The following NFKB2 variants were observed in gnomAD, a reference collection of about 807,000 sequenced individuals.
The protein encoded by NFKB2 is nuclear factor kappa B subunit 2.
In NFKB2, 21 loss-of-function variants were observed where a neutral mutation model predicts 109.3. That is an observed-to-expected ratio of 0.19 (90% CI 0.14 to 0.28). The LOEUF (loss-of-function observed/expected upper bound fraction) is 0.28, where lower values mean the gene tolerates loss of function less well. NFKB2 is among the 10% of genes least tolerant of loss of function. The pLI, the probability that NFKB2 is intolerant of heterozygous loss-of-function variation, is 1.00. For synonymous variants in NFKB2, 478 were observed against 489.9 expected, an observed-to-expected ratio of 0.98 and a Z score of 0.32; for missense variants, 806 against 1,185.3, an observed-to-expected ratio of 0.68 and a Z score of 4.70.
chr10:102,400,619 G>C lies in NFKB2; in HGVS notation c.1799-36G>C. On this transcript the variant is annotated intron_variant, in intron 16 of 22. Coordinates refer to ENST00000661543, the MANE Select transcript of NFKB2 (RefSeq NM_001322934.2). The surrounding 1 kb of genome is among the most constrained non-coding windows in gnomAD (Gnocchi z 6.3). The stretch of plus-strand genomic sequence containing the variant: ...GGGCTGGTCCAGGGGCTGCCTTAAG[G>C]GTCACAGCTGCAGGTTGAGCATCCT... 1 of 1,610,550 alleles carries C rather than the reference G, an allele frequency of 6.2e-7. No homozygotes were observed. Among genetic ancestry groups the C allele is most frequent in the Non-Finnish European group, 8.5e-7 (1 of 1,177,626 alleles).
In NFKB2 at chr10:102,401,485, A is replaced by C. The variant is rs1452818380; in HGVS notation, c.2260A>C (p.Met754Leu). 6.2e-7 allele frequency: 1 copy of C among 1,613,700 alleles called. No individual in the cohort carries two copies. The highest frequency in any genetic ancestry group is 8.5e-7 in the Non-Finnish European group (1 of 1,179,934). The change falls in exon 20 of 23, where the codon ATG (methionine) becomes CTG (leucine). Residue 754 changes from methionine (M) to leucine (L), a missense_variant. Around this residue, in one of 10 missense-constraint regions of NFKB2, gnomAD observed 211 missense variants for 268.7 expected, o/e 0.79. Coordinates refer to ENST00000661543, the MANE Select transcript of NFKB2 (RefSeq NM_001322934.2). This position sits in a 1 kb window ranked among gnomAD's most constrained non-coding sequence, Gnocchi z 4.2. ...TLLLNAAQNT[M>L]EPPLTPPSPA... ...GCTGCTAAATGCTGCTCAGAACACC[A>C]TGGAGCCACCCCTGACCCCGCCCAG... is the stretch of plus-strand genomic sequence containing the variant.
Position 102,397,321 on chromosome 10 carries a change from C to T in NFKB2, c.415C>T (p.Leu139=), listed in dbSNP as rs780372837. 30 of 1,614,020 alleles carry T rather than the reference C, an allele frequency of 1.9e-5. No homozygotes were observed. The highest frequency in any genetic ancestry group is 1.6e-4 in the Middle Eastern group (1 of 6,084). ...TCTCAGATTTAACAACCTGGGTGTC[C>T]TGCATGTGACTAAGAAGAACATGAT... is the stretch of plus-strand genomic sequence containing the variant. ...MTAQFNNLGV[L]HVTKKNMMGT... Residue 139 remains leucine, a synonymous_variant, in exon 7 of 23, where the codon CTG becomes TTG. Transcript: ENST00000661543. This position sits in a 1 kb window ranked among gnomAD's most constrained non-coding sequence, Gnocchi z 4.7.
At chr10:102,399,226 A>G in intron 12 of NFKB2, 62 bp from the exon 13 acceptor site, 1 of 1,499,468 alleles carries the variant, frequency 6.7e-7, no homozygotes, top group East Asian at 2.5e-5. Context: ...AAAAAAAAAA[A>G]AAAAAAATCT....
rs1034421441 is a variant in NFKB2, at chr10:102,396,428, G to C, written c.104-21G>C. 2 of 1,614,146 alleles carry C rather than the reference G, an allele frequency of 1.2e-6. No homozygotes were observed. Among genetic ancestry groups the C allele is most frequent in the Non-Finnish European group, 1.7e-6 (2 of 1,180,006 alleles). On this transcript the variant is annotated intron_variant, in intron 3 of 22. Transcript: ENST00000661543. This position sits in a 1 kb window ranked among gnomAD's most constrained non-coding sequence, Gnocchi z 5.9. ...GGAGGGGCTGGGAGATCGTGGCTCA[G>C]CAAGGTCTCTCTGTCCCCAGCTGAT...
rs182763092 is a variant in NFKB2 at position 102,398,680 on chromosome 10, A to G, written c.992-59A>G. 9 of 1,611,900 alleles carry G rather than the reference A, an allele frequency of 5.6e-6. No homozygotes were observed. The East Asian group carries it at 2.0e-4, about 36-fold the overall frequency. Reference sequence around the variant, plus strand: ...AGCCGGCCCTGAGGGCTCTTCTGGGAAGGGCCCCTGAGGCATGACACAATA... The same window carrying G: ...AGCCGGCCCTGAGGGCTCTTCTGGGGAGGGCCCCTGAGGCATGACACAATA... On this transcript the variant is annotated intron_variant, in intron 11 of 22. Coordinates refer to ENST00000661543, the MANE Select transcript of NFKB2 (RefSeq NM_001322934.2). The surrounding 1 kb of genome is among the most constrained non-coding windows in gnomAD (Gnocchi z 6.6).
At position 102,400,674 on chromosome 10, in the gene NFKB2, G is replaced by A; in HGVS notation, c.1818G>A (p.Leu606=). 1 of 1,614,020 alleles carries A rather than the reference G, an allele frequency of 6.2e-7. No individual in the cohort carries two copies. Among genetic ancestry groups the A allele is most frequent in the Non-Finnish European group, 8.5e-7 (1 of 1,179,966 alleles). Residue 606 remains leucine, a synonymous_variant, in exon 17 of 23, where the codon CTG becomes CTA. Coordinates refer to ENST00000661543, the MANE Select transcript of NFKB2 (RefSeq NM_001322934.2). This position sits in a 1 kb window ranked among gnomAD's most constrained non-coding sequence, Gnocchi z 6.3. ...PDFEGLYPVH[L]AVRARSPECL... ...CCTTAGGACTGTATCCAGTACACCT[G>A]GCAGTCCGAGCCCGAAGCCCTGAGT...
At chr10:102,395,455 T>A (rs2061087548), upstream of NFKB2, among the ~76,000 whole-genome samples, 1 of 152,160 alleles carries the variant, frequency 6.6e-6, no homozygotes, top group Non-Finnish European at 1.5e-5. Flanking sequence ...GGCCCCAGAC[T>A]GCCAGCCTCC....
In NFKB2 at chr10:102,401,253, G is replaced by A. The variant is rs200006038; in HGVS notation, c.2145G>A (p.Ser715=). 2,772 of 1,611,746 alleles carry A rather than the reference G, an allele frequency of 1.7e-3. 5 individuals are homozygous for A. Among genetic ancestry groups the A allele is most frequent in the Non-Finnish European group, 2.2e-3 (2,621 of 1,178,700 alleles). Residue 715 remains serine, a synonymous_variant, in exon 19 of 23, where the codon TCG becomes TCA. Transcript: ENST00000661543. This position sits in a 1 kb window ranked among gnomAD's most constrained non-coding sequence, Gnocchi z 4.2. The part of the protein sequence containing the change: ...LPSPPTSDSD[S]DSEGPEKDTR... ...CACCCCCTACCTCTGATAGCGACTC[G>A]GACTCTGAAGGGCCTGAGAAGGACA...
Position 102,398,105 on chromosome 10 carries a change from T to G in NFKB2, c.766+20T>G. Reference sequence around the variant, plus strand: ...AGAAAGGTGAGACTGGAGCCCACTTTGGGCACCAAGGACATCGAGTATAAG... The same window carrying G: ...AGAAAGGTGAGACTGGAGCCCACTTGGGGCACCAAGGACATCGAGTATAAG... On this transcript the variant is annotated intron_variant, in intron 9 of 22. Coordinates refer to ENST00000661543, the MANE Select transcript of NFKB2 (RefSeq NM_001322934.2). This position sits in a 1 kb window ranked among gnomAD's most constrained non-coding sequence, Gnocchi z 6.6. 1 of 1,613,904 alleles carries G rather than the reference T, an allele frequency of 6.2e-7. No homozygotes were observed. The highest frequency in any genetic ancestry group is 8.5e-7 in the Non-Finnish European group (1 of 1,179,782).
rs763590898 is a variant in NFKB2 at position 102,398,548 on chromosome 10, G to A, written c.991+25G>A. On this transcript the variant is annotated intron_variant, in intron 11 of 22. Transcript: ENST00000661543. The surrounding 1 kb of genome is among the most constrained non-coding windows in gnomAD (Gnocchi z 6.6). ...GGTGGAGCTGGGCTGAGGACCTCAG[G>A]GTGCTGGCGGGGGGCCAGGCTGGGC... 7.4e-6 allele frequency: 12 copies of A among 1,611,204 alleles called. No homozygotes were observed. In the Admixed American group the frequency reaches 1.0e-4, roughly 13 times the overall value.
chr10:102,397,273 G>A lies in NFKB2; in HGVS notation c.396-29G>A. ...TGCCTCAGGAAGAAAGAACTGCATG[G>A]CCAAAGGCCTCCGATTCTCTCTTCT... On this transcript the variant is annotated intron_variant, in intron 6 of 22. Transcript: ENST00000661543. The surrounding 1 kb of genome is among the most constrained non-coding windows in gnomAD (Gnocchi z 4.7). The A allele has an allele frequency of 6.2e-7, 1 of 1,605,454 alleles. No individual in the cohort carries two copies. Among genetic ancestry groups the A allele is most frequent in the East Asian group, 2.2e-5 (1 of 44,840 alleles).
rs899015386 is a variant in NFKB2 at position 102,395,875 on chromosome 10, C to T, written c.-72-13C>T. ...TCTGACCCCCTCCCCCACGCCACTCCTCCCAACTTTAGGCGGGCGTCTAAA... is the reference window on the plus strand; with the variant it reads ...TCTGACCCCCTCCCCCACGCCACTCTTCCCAACTTTAGGCGGGCGTCTAAA... On this transcript the variant is annotated splice_polypyrimidine_tract_variant and intron_variant, in intron 1 of 22. Coordinates refer to ENST00000661543, the MANE Select transcript of NFKB2 (RefSeq NM_001322934.2). The T allele has an allele frequency of 4.1e-6, 6 of 1,476,926 alleles. No individual in the cohort carries two copies. Among genetic ancestry groups the T allele is most frequent in the Non-Finnish European group, 5.6e-6 (6 of 1,065,184 alleles). 91.5% of individuals were successfully genotyped at this position (1,476,926 alleles called of 1,614,324 possible). A position where few individuals can be genotyped will look rare whatever the true frequency, so the allele number is the denominator to read the frequency against.
rs760159327 is a variant in NFKB2 at position 102,399,518 on chromosome 10, G to A, written c.1327+21G>A. ...GCGAGGTATGGACTCCGGGGCACGG[G>A]CGGTCGGGGCGCCGGGGCTGAGGAC... On this transcript the variant is annotated intron_variant, in intron 13 of 22. Transcript: ENST00000661543. The A allele has an allele frequency of 2.5e-5, 37 of 1,501,072 alleles. No individual in the cohort carries two copies. In the African/African-American group the frequency reaches 4.7e-4, roughly 19 times the overall value. 93.0% of individuals were successfully genotyped at this position (1,501,072 alleles called of 1,614,324 possible).
chr10:102,395,726 G>A lies in NFKB2; in HGVS notation c.-143G>A. 1 of 596,914 alleles carries A rather than the reference G, an allele frequency of 1.7e-6. No individual in the cohort carries two copies. The highest frequency in any genetic ancestry group is 3.0e-6 in the Non-Finnish European group (1 of 333,600). The allele number at this position is 596,914 out of a possible 1,614,324, so 37.0% of individuals were successfully genotyped here. On this transcript the variant is annotated 5_prime_UTR_variant, in exon 1 of 23. Transcript: ENST00000661543. ...CTCTAACTTTCCTGCCCCTTCCCCG[G>A]CCAAGCCCAACTCCGGATCTCGCTC...
rs199841036 is a variant in NFKB2, at chr10:102,400,393, C to T, written c.1700C>T (p.Ala567Val). Residue 567 changes from alanine to valine, a missense_variant, in exon 16 of 23, where the codon GCG becomes GTG. Ala to Val is a moderately conservative substitution (Grantham distance 64). Transcript: ENST00000661543. This position sits in a 1 kb window ranked among gnomAD's most constrained non-coding sequence, Gnocchi z 6.3. ...CATGGAGACTCAGCCATGCATCTGGCGCTGCGGGCAGGCGCTGGTGCTCCT... is the reference window on the plus strand; with the variant it reads ...CATGGAGACTCAGCCATGCATCTGGTGCTGCGGGCAGGCGCTGGTGCTCCT... ...DRHGDSAMHLALRAGAGAPEL... is the reference protein window; with the variant it reads ...DRHGDSAMHLVLRAGAGAPEL... The T allele has an allele frequency of 1.7e-5, 28 of 1,613,270 alleles. No homozygotes were observed. The highest frequency in any genetic ancestry group is 2.3e-5 in the Non-Finnish European group (27 of 1,180,032).
rs2061112538 is a variant in NFKB2 at position 102,396,325 on chromosome 10, C to T, written c.94C>T (p.Pro32Ser). The T allele has an allele frequency of 6.2e-7, 1 of 1,613,388 alleles. No individual in the cohort carries two copies. Among genetic ancestry groups the T allele is most frequent in the African/African-American group, 1.3e-5 (1 of 74,870 alleles). Residue 32 changes from proline to serine, a missense_variant, in exon 3 of 23, where the codon CCA (proline) becomes TCA (serine). Transcript: ENST00000661543. The surrounding 1 kb of genome is among the most constrained non-coding windows in gnomAD (Gnocchi z 5.9). ...CATTGTGGAACCCAAGGAGCCAGCCCCAGAAACAGGTCAGCAAGTTCACTA... is the reference window on the plus strand; with the variant it reads ...CATTGTGGAACCCAAGGAGCCAGCCTCAGAAACAGGTCAGCAAGTTCACTA... ...SSIVEPKEPAPETADGPYLVI... is the reference protein window; with the variant it reads ...SSIVEPKEPASETADGPYLVI...
Position 102,401,497 on chromosome 10 carries a change from CT to C in NFKB2, c.2273del (p.Leu758ArgfsTer25), listed in dbSNP as rs2061247626. ...NAAQNTMEPP[L>X]TPPSPAGPGL... ...TGCTCAGAACACCATGGAGCCACCCCTGACCCCGCCCAGCCCAGCAGGTGAG... is the reference window on the plus strand; with the variant it reads ...TGCTCAGAACACCATGGAGCCACCCCGACCCCGCCCAGCCCAGCAGGTGAG... On this transcript the variant is annotated frameshift_variant, in exon 20 of 23. Transcript: ENST00000661543. LOFTEE classifies it high-confidence loss of function. The surrounding 1 kb of genome is among the most constrained non-coding windows in gnomAD (Gnocchi z 4.2). 6.2e-7 allele frequency: 1 copy of C among 1,613,502 alleles called. No homozygotes were observed. Among genetic ancestry groups the C allele is most frequent in the Non-Finnish European group, 8.5e-7 (1 of 1,179,966 alleles).
Position 102,397,834 on chromosome 10 carries a change from C to A in NFKB2, c.662-147C>A. 1 of 1,272,642 alleles carries A rather than the reference C, an allele frequency of 7.9e-7. No individual in the cohort carries two copies. Among genetic ancestry groups the A allele is most frequent in the Admixed American group, 2.1e-5 (1 of 48,244 alleles). The allele number at this position is 1,272,642 out of a possible 1,614,324, so 78.8% of individuals were successfully genotyped here. ...TGATCCTGAGCAAGTCATTTCCCCC[C>A]CGAAGCTTCTGTCTTTAGTAAATGT... On this transcript the variant is annotated intron_variant, in intron 8 of 22. Transcript: ENST00000661543. The surrounding 1 kb of genome is among the most constrained non-coding windows in gnomAD (Gnocchi z 4.7).
chr10:102,400,282 C>T lies in NFKB2; in HGVS notation c.1589C>T (p.Pro530Leu), dbSNP rs1431587264. Residue 530 changes from proline (P) to leucine (L), a missense_variant, in exon 16 of 23, where the codon CCC becomes CTC. Pro to Leu is a moderately conservative substitution (Grantham distance 98). This residue lies in a region of NFKB2 where 163 missense variants were observed against 207.1 expected (regional missense o/e 0.79). Coordinates refer to ENST00000661543, the MANE Select transcript of NFKB2 (RefSeq NM_001322934.2). This position sits in a 1 kb window ranked among gnomAD's most constrained non-coding sequence, Gnocchi z 6.3. Reference protein sequence around the residue: ...VNLTNHLHQTPLHLAVITGQT... With the variant: ...VNLTNHLHQTLLHLAVITGQT... ...TCACCCTGCTTTCATCCCCAGACGC[C>T]CCTGCACCTGGCGGTGATCACGGGG... is the stretch of plus-strand genomic sequence containing the variant. The T allele has an allele frequency of 6.2e-7, 1 of 1,614,054 alleles. No individual in the cohort carries two copies. Among genetic ancestry groups the T allele is most frequent in the South Asian group, 1.1e-5 (1 of 91,074 alleles).
Sources: gnomAD v4.1 joint callset for allele counts (sites outside exome capture counted in the v4.1 genomes callset) on GRCh38, gnomAD v4.1.1 for gene constraint, gnomAD v4.1.1 regional missense constraint, Gnocchi (gnomAD v3.1) non-coding constraint, MANE v1.5 for transcripts, NCBI Gene and HGNC (gene_info 2026-07-23, HGNC 2026-07-21) for gene names.